VPS36: variants seen among roughly 807,000 people sequenced by gnomAD.
VPS36 encodes vacuolar protein sorting 36 homolog.
In VPS36, 31 loss-of-function variants were observed where a neutral mutation model predicts 63.5. That is an observed-to-expected ratio of 0.49 (90% CI 0.37 to 0.66). The LOEUF (loss-of-function observed/expected upper bound fraction) is 0.66. Among genes scored for constraint, VPS36 ranks in the 30% least tolerant of loss-of-function variants. VPS36 has a pLI of 0.00. For missense variants in VPS36, 338 were observed against 463.7 expected, an observed-to-expected ratio of 0.73 and a Z score of 2.49; for synonymous variants, 138 against 157.2, an observed-to-expected ratio of 0.88 and a Z score of 0.91.
chr13:52,432,816 A>T (rs1958173302), intron 6 of VPS36, among the ~76,000 whole-genome samples: 1 of 152,236 alleles, frequency 6.6e-6, no homozygotes, highest in South Asian at 2.1e-4. Flanking sequence ...TAATAGGTCA[A>T]ATGCCCTTGG....
intron 1 of VPS36, among the ~76,000 whole-genome samples, chr13:52,443,341 C>A (rs1411413939): frequency 6.6e-6 from 1 of 152,082 alleles, no homozygotes; most frequent in South Asian, 2.1e-4. Context: ...ACCCTCAATG[C>A]GATGGTATTT....
intron 6 of VPS36, chr13:52,429,176 A>G (rs1958132175): frequency 1.3e-6 from 1 of 792,074 alleles, no homozygotes; most frequent in Non-Finnish European, 1.5e-6. Context: ...GAAAAACAGC[A>G]CCTGTTTTAA....
chr13:52,437,177 A>C (rs1329651703), intron 3 of VPS36, among the ~76,000 whole-genome samples: 1 of 152,082 alleles, frequency 6.6e-6, no homozygotes, highest in East Asian at 1.9e-4. Flanking sequence ...CTATAGATAC[A>C]CACCTACCAC....
Position 52,433,691 on chromosome 13 carries a change from T to C in VPS36, c.499A>G (p.Arg167Gly), listed in dbSNP as rs762913176. 168 of 1,613,456 alleles carry C rather than the reference T, an allele frequency of 1.0e-4. No individual in the cohort carries two copies. Among genetic ancestry groups the C allele is most frequent in the Non-Finnish European group, 1.4e-4 (165 of 1,179,836 alleles). ...VGIERKLEEK[R>G]KETDKNISEA... ...GAAATGTTTTTGTCAGTTTCTTTTC[T>C]TTTTTCTTCCAGTTTCCTTTCAATA... Residue 167 changes from arginine (R) to glycine (G), a missense_variant, in exon 6 of 14, where the codon AGA becomes GGA. Coordinates refer to ENST00000378060, the MANE Select transcript of VPS36 (RefSeq NM_016075.4).
chr13:52,427,333 C>A, intron 6 of VPS36, 114 bp from the exon 7 acceptor site: 1 of 1,065,280 alleles, frequency 9.4e-7, no homozygotes, highest in South Asian at 1.4e-5. Flanking sequence ...CAGCCGGGCG[C>A]AGTGGCTCAC....
In VPS36 at chr13:52,423,590, C is replaced by T; in HGVS notation, c.824G>A (p.Arg275Gln). 2 of 1,612,260 alleles carry T rather than the reference C, an allele frequency of 1.2e-6. No individual in the cohort carries two copies. Among genetic ancestry groups the T allele is most frequent in the Non-Finnish European group, 1.7e-6 (2 of 1,179,194 alleles). The change falls in exon 10 of 14, where the codon CGA becomes CAA. Residue 275 changes from arginine (R) to glutamine (Q), a missense_variant. Transcript: ENST00000378060. ...TATCCTTACTTCCATTCCTCGAGCT[C>T]GGTTTACTAAGCAGTACACCTCCGT... ...SLTEVYCLVN[R>Q]ARGMELLSPE...
chr13:52,419,850 A>G (rs1182385457), intron 10 of VPS36, among the ~76,000 whole-genome samples: 7 of 152,218 alleles, frequency 4.6e-5, no homozygotes, highest in Non-Finnish European at 7.3e-5. Context: ...GATTTCATGC[A>G]GATAGAGAGT....
Position 52,414,386 on chromosome 13 carries a change from T to C in VPS36, c.*1444A>G, listed in dbSNP as rs1957974224. ...GAGGATCTGTCACCACAATGAAGAG[T>C]CAGTGACAGGTTTGGAAAACAAAAA... is the stretch of plus-strand genomic sequence containing the variant. On this transcript the variant is annotated 3_prime_UTR_variant, in exon 14 of 14. Coordinates refer to ENST00000378060, the MANE Select transcript of VPS36 (RefSeq NM_016075.4). The C allele has an allele frequency of 6.6e-6, 1 of 151,884 alleles. No homozygotes were observed. Among genetic ancestry groups the C allele is most frequent in the Admixed American group, 6.6e-5 (1 of 15,254 alleles). 9.4% of individuals were successfully genotyped at this position (151,884 alleles called of 1,614,324 possible). A position where few individuals can be genotyped will look rare whatever the true frequency, so the allele number is the denominator to read the frequency against.
intron 9 of VPS36, among the ~76,000 whole-genome samples, chr13:52,425,044 A>T (rs1250336164): frequency 6.6e-6 from 1 of 151,548 alleles, no homozygotes; most frequent in Admixed American, 6.6e-5. Context: ...GCGGATCATG[A>T]GGTCAGGAGA....
intron 3 of VPS36, 89 bp downstream of exon 3, chr13:52,439,009 G>T: frequency 8.8e-7 from 1 of 1,141,412 alleles, no homozygotes; most frequent in Non-Finnish European, 1.3e-6. Flanking sequence ...GAATGGATTC[G>T]TACATCAAGT....
chr13:52,450,451 C>G (rs748063435), intron 1 of VPS36, 48 bp downstream of exon 1: 3 of 1,553,176 alleles, frequency 1.9e-6, no homozygotes, highest in Middle Eastern at 1.7e-4. Flanking sequence ...GCGCGCCCAC[C>G]GGGGGTCCCT....
chr13:52,427,746 T>G (rs1454202365), intron 6 of VPS36, among the ~76,000 whole-genome samples: 2 of 152,124 alleles, frequency 1.3e-5, no homozygotes, highest in African/African-American at 4.8e-5. Flanking sequence ...GCAAAAGAAC[T>G]TCACATTTTC....
intron 1 of VPS36, chr13:52,449,994 A>T: frequency 1.0e-6 from 1 of 985,772 alleles, no homozygotes; most frequent in Non-Finnish European, 1.2e-6. Context: ...AATCCCTCCG[A>T]CTGCATAAGG....
chr13:52,438,850 G>C (rs1402829028), intron 3 of VPS36, among the ~76,000 whole-genome samples: 2 of 152,174 alleles, frequency 1.3e-5, no homozygotes, highest in African/African-American at 2.4e-5. Context: ...GGTTATTTCC[G>C]ATTTTAAGTA....
intron 10 of VPS36, among the ~76,000 whole-genome samples, chr13:52,418,483 G>A (rs1958014546): frequency 6.7e-6 from 1 of 149,338 alleles, no homozygotes; most frequent in Non-Finnish European, 1.5e-5. Context: ...GCTAAGGCAG[G>A]TGAATTGCTT....
At position 52,444,283 on chromosome 13, in the gene VPS36, C is replaced by A. The variant is rs1200493274; in HGVS notation, c.97-1838G>T. ...CCATCCTGGCTAATATGGTGAAACC[C>A]CGTCTCTACTTTAAAAAATACAAAA... On this transcript the variant is annotated intron_variant, in intron 1 of 13. Transcript: ENST00000378060. 2.0e-5 allele frequency among the ~76,000 whole-genome samples: 3 copies of A among 151,874 alleles called. No individual in the cohort carries two copies. In the East Asian group the frequency reaches 5.8e-4, roughly 29 times the overall value.
intron 5 of VPS36, 112 bp from the exon 6 acceptor site, chr13:52,433,860 A>G (rs1958185218): frequency 1.2e-6 from 1 of 823,154 alleles, no homozygotes; most frequent in East Asian, 2.5e-5. Context: ...ACAAAGAACC[A>G]AAGAAAAACA....
At chr13:52,439,738 A>G (rs1594122405) in intron 2 of VPS36, among the ~76,000 whole-genome samples, 1 of 151,720 alleles carries the variant, frequency 6.6e-6, no homozygotes, top group East Asian at 2.0e-4. Flanking sequence ...GAGCCACCGC[A>G]CCCAGCCACA....
At chr13:52,416,751 C>CATCT (rs1175461094) in intron 12 of VPS36, among the ~76,000 whole-genome samples, 2 of 152,126 alleles carry the variant, frequency 1.3e-5, no homozygotes, top group African/African-American at 4.8e-5. Flanking sequence ...TGTGTTGTAA[C>CATCT]ATCTGATAAA....
Sources: gnomAD v4.1 joint callset for allele counts (sites outside exome capture counted in the v4.1 genomes callset) on GRCh38, gnomAD v4.1.1 for gene constraint, MANE v1.5 for transcripts, NCBI Gene and HGNC (gene_info 2026-07-23, HGNC 2026-07-21) for gene names.